NTN1: variants seen among roughly 807,000 people sequenced by gnomAD.
NTN1 encodes netrin-1.
A neutral mutation model predicts 54.2 loss-of-function variants in NTN1; 11 were observed. That is an observed-to-expected ratio of 0.20 (90% confidence interval 0.13 to 0.34). NTN1 has a LOEUF of 0.34. Ranked by LOEUF, NTN1 falls within the 10% of genes least tolerant of loss-of-function variation. NTN1 has a pLI of 1.00. For synonymous variants in NTN1, 371 were observed against 382.0 expected, an observed-to-expected ratio of 0.97 and a Z score of 0.33; for missense variants, 740 against 893.1, an observed-to-expected ratio of 0.83 and a Z score of 2.18.
intron 6 of NTN1, among the ~76,000 whole-genome samples, chr17:9,226,089 A>G (rs1417372001): frequency 6.9e-6 from 1 of 145,700 alleles, no homozygotes; most frequent in Non-Finnish European, 1.5e-5. Context: ...TCTCTCGGGC[A>G]CACGCTTACA....
intron 6 of NTN1, among the ~76,000 whole-genome samples, chr17:9,227,623 ACTAT>A (rs1905631471): frequency 8.1e-5 from 1 of 12,408 alleles, no homozygotes; most frequent in East Asian, 3.3e-3. Context: ...AGATACACAG[ACTAT>A]CACGCACACA....
rs1462247528 is a variant in NTN1 at position 9,240,938 on chromosome 17, A to C, written c.*970A>C. 6.6e-6 allele frequency: 1 copy of C among 151,740 alleles called. No homozygotes were observed. 9.4% of individuals were successfully genotyped at this position (151,740 alleles called of 1,614,324 possible). ...CCTTTTTATGACGTTTTCCAGGGGG[A>C]GGGGGAGGGGCACTGGCTGGGTTTA... On this transcript the variant is annotated 3_prime_UTR_variant, in exon 7 of 7. Transcript: ENST00000173229.
At chr17:9,118,736 C>A (rs1040078678) in intron 2 of NTN1, among the ~76,000 whole-genome samples, 4 of 151,806 alleles carry the variant, frequency 2.6e-5, no homozygotes, top group African/African-American at 9.7e-5. Context: ...GAAATGAAAT[C>A]ATATAATATG....
chr17:9,012,376 T>C, the NTN1 span, among the ~76,000 whole-genome samples: 1 of 152,082 alleles, frequency 6.6e-6, no homozygotes, highest in Non-Finnish European at 1.5e-5. Flanking sequence ...CTGGGCGTGG[T>C]GGCGGATGCC....
Position 9,221,189 on chromosome 17 carries a change from C to A in NTN1, c.1433C>A (p.Ala478Asp). 1.2e-6 allele frequency: 2 copies of A among 1,604,754 alleles called. No homozygotes were observed. Among genetic ancestry groups the A allele is most frequent in the Non-Finnish European group, 1.7e-6 (2 of 1,175,396 alleles). ...EPEDCDSYCK[A>D]SKGKLKINMK... ...GCAGACTGCGATTCCTACTGCAAGG[C>A]CTCCAAGGGGAAGCTGAAGATTAAC... Residue 478 changes from alanine to aspartate, a missense_variant, in exon 6 of 7, where the codon GCC (alanine) becomes GAC (aspartate). Coordinates refer to ENST00000173229, the MANE Select transcript of NTN1 (RefSeq NM_004822.3). The surrounding 1 kb of genome is among the most constrained non-coding windows in gnomAD (Gnocchi z 4.5).
At chr17:9,055,673 A>G (rs758540770) in intron 2 of NTN1, among the ~76,000 whole-genome samples, 1 of 152,158 alleles carries the variant, frequency 6.6e-6, no homozygotes, top group Non-Finnish European at 1.5e-5. Flanking sequence ...AGAGGAAGGC[A>G]GGATGGATAC....
At chr17:9,195,009 ACT>A (rs1208856077) in intron 5 of NTN1, among the ~76,000 whole-genome samples, 1 of 149,906 alleles carries the variant, frequency 6.7e-6, no homozygotes, top group Non-Finnish European at 1.5e-5. Flanking sequence ...CTTCTTTCTC[ACT>A]CTCTGCTGTC....
At chr17:9,081,355 G>T (rs1189115613) in intron 2 of NTN1, among the ~76,000 whole-genome samples, 1 of 151,956 alleles carries the variant, frequency 6.6e-6, no homozygotes, top group Non-Finnish European at 1.5e-5. Context: ...GGTTATCTCT[G>T]TGCCAATGAA....
chr17:9,218,032 G>A (rs1905251891), intron 5 of NTN1, among the ~76,000 whole-genome samples: 1 of 152,188 alleles, frequency 6.6e-6, no homozygotes, highest in Non-Finnish European at 1.5e-5. Flanking sequence ...AATCATGGGT[G>A]TGGAGACTGT....
At chr17:9,187,601 C>T (rs2092437145) in intron 5 of NTN1, among the ~76,000 whole-genome samples, 1 of 137,666 alleles carries the variant, frequency 7.3e-6, no homozygotes, top group Non-Finnish European at 1.5e-5. Flanking sequence ...TGCTTGAGCC[C>T]AGGAGTTTGA....
At chr17:9,223,243 C>T (rs1270927016) in intron 6 of NTN1, among the ~76,000 whole-genome samples, 2 of 152,116 alleles carry the variant, frequency 1.3e-5, no homozygotes, top group African/African-American at 4.8e-5. Flanking sequence ...AAAGTAGGGG[C>T]CCTGGGTTGT....
chr17:9,102,440 G>A (rs1329856973), intron 2 of NTN1, among the ~76,000 whole-genome samples: 1 of 152,140 alleles, frequency 6.6e-6, no homozygotes, highest in African/African-American at 2.4e-5. Flanking sequence ...CCAGGATTGG[G>A]GAAACTGCCC....
chr17:9,131,121 T>C (rs2092263621), intron 2 of NTN1, among the ~76,000 whole-genome samples: 1 of 152,220 alleles, frequency 6.6e-6, no homozygotes, highest in African/African-American at 2.4e-5. Flanking sequence ...ACAAGCATGC[T>C]ACTCCTCCCT....
At chr17:9,188,684 T>A (rs1904359367) in intron 5 of NTN1, among the ~76,000 whole-genome samples, 1 of 152,168 alleles carries the variant, frequency 6.6e-6, no homozygotes, top group African/African-American at 2.4e-5. Flanking sequence ...GCCCTTTAGC[T>A]GTGGGTGTAT....
chr17:9,117,132 T>A (rs2092215872), intron 2 of NTN1, among the ~76,000 whole-genome samples: 1 of 151,986 alleles, frequency 6.6e-6, no homozygotes, highest in South Asian at 2.1e-4. Flanking sequence ...TCAGACATGA[T>A]GTTATAGGAA....
chr17:9,176,856 C>T (rs1223597406), intron 3 of NTN1: 1 of 152,332 alleles, frequency 6.6e-6, no homozygotes, highest in East Asian at 1.9e-4. Context: ...CCAGCTTTCT[C>T]CTGCAGTTGT....
chr17:9,223,795 G>T (rs1300854021), intron 6 of NTN1, among the ~76,000 whole-genome samples: 3 of 152,154 alleles, frequency 2.0e-5, no homozygotes, highest in Non-Finnish European at 4.4e-5. Flanking sequence ...AAAGCGGTGG[G>T]CCCAGAGGAG....
intron 2 of NTN1, among the ~76,000 whole-genome samples, chr17:9,059,693 C>A (rs2091989994): frequency 6.6e-6 from 1 of 152,064 alleles, no homozygotes; most frequent in African/African-American, 2.4e-5. Context: ...GTTATGGAAT[C>A]TCCTTTAGGG....
chr17:9,175,946 AC>A (rs1261112803), intron 3 of NTN1: 1 of 151,810 alleles, frequency 6.6e-6, no homozygotes, highest in African/African-American at 2.4e-5. Context: ...GAAGGGATTG[AC>A]CTCCCTCTGA....
Sources: allele counts gnomAD v4.1 joint callset (sites outside exome capture counted in the v4.1 genomes callset), GRCh38; gene constraint gnomAD v4.1.1; non-coding constraint Gnocchi (gnomAD v3.1); transcripts MANE v1.5; gene names NCBI Gene and HGNC (gene_info 2026-07-23, HGNC 2026-07-21).